The following PELI2 variants were observed in gnomAD, a reference collection of about 807,000 sequenced individuals.
The protein encoded by PELI2 is pellino E3 ubiquitin protein ligase family member 2, also known as E3 ubiquitin-protein ligase pellino homolog 2.
Under a neutral mutation model 42.3 loss-of-function variants are expected in PELI2, and 23 were observed. That is an observed-to-expected ratio of 0.54 (90% CI 0.39 to 0.77). The LOEUF (loss-of-function observed/expected upper bound fraction) is 0.77, where lower values mean the gene tolerates loss of function less well. PELI2 is among the 30% of genes least tolerant of loss of function. The pLI, the probability that PELI2 is intolerant of heterozygous loss-of-function variation, is 0.00. For missense variants in PELI2, 463 were observed against 553.2 expected, an observed-to-expected ratio of 0.84 and a Z score of 1.64; for synonymous variants, 245 against 212.2, an observed-to-expected ratio of 1.15 and a Z score of -1.34.
At chr14:56,290,193 T>TA in intron 4 of PELI2, 75 bp from the exon 5 acceptor site, 1 of 1,217,128 alleles carries the variant, frequency 8.2e-7, no homozygotes, top group South Asian at 1.7e-5. Context: ...TGCAATGTAT[T>TA]AAAGAAATTC....
intron 2 of PELI2, among the ~76,000 whole-genome samples, chr14:56,266,346 G>A (rs779507992): frequency 2.6e-5 from 4 of 151,972 alleles, no homozygotes; most frequent in South Asian, 2.1e-4. Context: ...GGGAAGATTT[G>A]CAACTCATAT....
At chr14:56,149,305 G>A (rs141597106) in intron 1 of PELI2, among the ~76,000 whole-genome samples, 2 of 152,310 alleles carry the variant, frequency 1.3e-5, no homozygotes, top group East Asian at 3.9e-4. Context: ...TTTGCAAACA[G>A]TGTGCTTTTC....
chr14:56,176,658 G>A (rs763458555), intron 1 of PELI2, among the ~76,000 whole-genome samples: 11 of 152,148 alleles, frequency 7.2e-5, no homozygotes, highest in Non-Finnish European at 1.2e-4. Flanking sequence ...CTTGGATACC[G>A]TAGCTTGGAA....
At chr14:56,245,797 A>T (rs942093404) in intron 2 of PELI2, among the ~76,000 whole-genome samples, 2 of 152,258 alleles carry the variant, frequency 1.3e-5, no homozygotes, top group African/African-American at 4.8e-5. Context: ...ATTGTATATC[A>T]ATAAGCATAA....
chr14:56,130,446 GT>G (rs1218425898), intron 1 of PELI2, among the ~76,000 whole-genome samples: 27 of 62,626 alleles, frequency 4.3e-4, no homozygotes, highest in East Asian at 4.5e-4. Context: ...TTTTTATTTT[GT>G]TTTTTTTTAA....
At chr14:56,289,205 A>G (rs79379217) in intron 4 of PELI2, among the ~76,000 whole-genome samples, 56 of 152,334 alleles carry the variant, frequency 3.7e-4, no homozygotes, top group African/African-American at 1.3e-3. Flanking sequence ...ATCTAAAATC[A>G]GTGAAAATGT....
At chr14:56,234,468 G>A (rs11845343) in intron 2 of PELI2, among the ~76,000 whole-genome samples, 61,286 of 151,926 alleles carry the variant, frequency 0.4, 13,075 homozygotes, top group South Asian at 0.53. Context: ...GGGTGAAGCT[G>A]GAAACCATCA....
chr14:56,162,685 A>T (rs1237079846), intron 1 of PELI2, among the ~76,000 whole-genome samples: 2 of 152,178 alleles, frequency 1.3e-5, no homozygotes, highest in Admixed American at 6.5e-5. Flanking sequence ...AGGAACCTCC[A>T]AACTGTTCTT....
chr14:56,142,189 G>A (rs554793326), intron 1 of PELI2, among the ~76,000 whole-genome samples: 15 of 152,186 alleles, frequency 9.9e-5, no homozygotes, highest in African/African-American at 3.1e-4. Flanking sequence ...CAAGTAAATA[G>A]GCAACAAATA....
intron 2 of PELI2, among the ~76,000 whole-genome samples, chr14:56,178,729 T>TA (rs1373893774): frequency 6.6e-6 from 1 of 152,218 alleles, no homozygotes; most frequent in African/African-American, 2.4e-5. Flanking sequence ...TCTCAAGACA[T>TA]TGCAGCCCGT....
intron 1 of PELI2, among the ~76,000 whole-genome samples, chr14:56,167,646 A>G (rs189598456): frequency 2.6e-5 from 4 of 152,204 alleles, no homozygotes; most frequent in Admixed American, 1.3e-4. Context: ...AAGGTCACAT[A>G]TATTTGTTTC....
At chr14:56,218,887 G>T (rs759468992) in intron 2 of PELI2, among the ~76,000 whole-genome samples, 2 of 152,212 alleles carry the variant, frequency 1.3e-5, no homozygotes, top group Non-Finnish European at 2.9e-5. Context: ...CATTAAATGC[G>T]ATGGGAGTTG....
intron 2 of PELI2, among the ~76,000 whole-genome samples, chr14:56,193,423 A>G (rs1886020995): frequency 6.6e-6 from 1 of 152,092 alleles, no homozygotes. Context: ...TTCAAAGAAT[A>G]AAAAAAATGC....
At chr14:56,169,482 C>T (rs1456547917) in intron 1 of PELI2, among the ~76,000 whole-genome samples, 1 of 152,144 alleles carries the variant, frequency 6.6e-6, no homozygotes, top group Non-Finnish European at 1.5e-5. Flanking sequence ...GCACTTAGTT[C>T]AATGCCTCAC....
intron 2 of PELI2, among the ~76,000 whole-genome samples, chr14:56,194,355 C>G (rs911310964): frequency 6.6e-6 from 1 of 152,206 alleles, no homozygotes; most frequent in African/African-American, 2.4e-5. Context: ...ACTACCTACC[C>G]TGTCCAATCT....
At chr14:56,122,446 G>A (rs1883095858) in intron 1 of PELI2, among the ~76,000 whole-genome samples, 2 of 152,116 alleles carry the variant, frequency 1.3e-5, no homozygotes, top group Admixed American at 1.3e-4. Context: ...TTCCAGCAGC[G>A]CTGTCAGTTC....
At chr14:56,124,166 A>C (rs894153421) in intron 1 of PELI2, among the ~76,000 whole-genome samples, 1 of 152,224 alleles carries the variant, frequency 6.6e-6, no homozygotes, top group Non-Finnish European at 1.5e-5. Flanking sequence ...AAGAGCAGAA[A>C]GTGCTTCATA....
intron 1 of PELI2, among the ~76,000 whole-genome samples, chr14:56,150,251 C>G (rs537776303): frequency 6.6e-6 from 1 of 152,238 alleles, no homozygotes; most frequent in Admixed American, 6.5e-5. Flanking sequence ...TGTTAACTGC[C>G]AGCATGCCAG....
chr14:56,218,100 C>CTGGG (rs1229760027), intron 2 of PELI2, among the ~76,000 whole-genome samples: 5 of 152,220 alleles, frequency 3.3e-5, no homozygotes, highest in African/African-American at 1.2e-4. Context: ...CGTGATAAAG[C>CTGGG]TGGGGTTTGA....
Sources: gnomAD v4.1 joint callset for allele counts (sites outside exome capture counted in the v4.1 genomes callset) on GRCh38, gnomAD v4.1.1 for gene constraint, MANE v1.5 for transcripts, NCBI Gene and HGNC (gene_info 2026-07-23, HGNC 2026-07-21) for gene names.